Variants in SCOC observed in about 807,000 individuals in gnomAD.
SCOC encodes the protein short coiled-coil protein.
A neutral mutation model predicts 9.9 loss-of-function variants in SCOC; 7 were observed. The ratio of observed to expected loss-of-function variants is 0.71; its 90% CI spans 0.40 to 1.33. SCOC has a LOEUF of 1.33. SCOC is among the 40% of genes most tolerant of loss of function. SCOC has a pLI of 0.01. For synonymous variants in SCOC, 19 were observed against 28.2 expected, an observed-to-expected ratio of 0.67 and a Z score of 1.03; for missense variants, 66 against 89.7, an observed-to-expected ratio of 0.74 and a Z score of 1.07.
intron 1 of SCOC, among the ~76,000 whole-genome samples, chr4:140,277,315 G>C (rs1731006335): frequency 6.6e-6 from 1 of 151,248 alleles, no homozygotes; most frequent in African/African-American, 2.4e-5. Context: ...TGTATGAGTT[G>C]GGGGGGGCAG....
intron 2 of SCOC, among the ~76,000 whole-genome samples, chr4:140,348,521 TGTGA>T (rs1313224840): frequency 2.7e-5 from 4 of 150,586 alleles, no homozygotes; most frequent in African/African-American, 4.9e-5. Context: ...TATGTGTGTG[TGTGA>T]GTGTGTGTAT....
chr4:140,348,576 A>ACACACACACG (rs1450195608), intron 2 of SCOC, among the ~76,000 whole-genome samples: 1 of 7,604 alleles, frequency 1.3e-4, no homozygotes, highest in African/African-American at 2.4e-4. Flanking sequence ...GTATATATAT[A>ACACACACACG]CGCACACACA....
At chr4:140,339,588 T>C (rs945403991), upstream of SCOC, among the ~76,000 whole-genome samples, 3 of 151,982 alleles carry the variant, frequency 2.0e-5, no homozygotes, top group African/African-American at 4.8e-5. Context: ...TACAATGAAC[T>C]CAAACAAATT....
At chr4:140,317,369 T>C (rs906967227) in intron 1 of SCOC, among the ~76,000 whole-genome samples, 1 of 152,182 alleles carries the variant, frequency 6.6e-6, no homozygotes, top group Non-Finnish European at 1.5e-5. Flanking sequence ...CCTGACCTAA[T>C]TGCTTGTGTT....
intron 1 of SCOC, among the ~76,000 whole-genome samples, chr4:140,299,224 G>A (rs183165410): frequency 1.3e-5 from 2 of 152,150 alleles, no homozygotes; most frequent in Non-Finnish European, 2.9e-5. Flanking sequence ...TCAAGCAATT[G>A]ATTTCATTTT....
intron 2 of SCOC, among the ~76,000 whole-genome samples, chr4:140,349,319 G>A (rs962745483): frequency 3.9e-5 from 6 of 152,170 alleles, no homozygotes; most frequent in Admixed American, 2.6e-4. Context: ...GAAACTTTAA[G>A]AGACACTGAA....
intron 2 of SCOC, chr4:140,366,932 G>A (rs1041392181): frequency 1.3e-4 from 75 of 557,196 alleles, no homozygotes; most frequent in Non-Finnish European, 2.1e-4. Flanking sequence ...TTGACCAGGC[G>A]TGGTGGCTCA....
At chr4:140,325,022 A>G (rs1426313783) in intron 1 of SCOC, among the ~76,000 whole-genome samples, 1 of 152,130 alleles carries the variant, frequency 6.6e-6, no homozygotes, top group Non-Finnish European at 1.5e-5. Flanking sequence ...TCATAAATAG[A>G]TCTACAGAAA....
At chr4:140,304,335 A>G (rs1281607625) in intron 1 of SCOC, among the ~76,000 whole-genome samples, 3 of 152,072 alleles carry the variant, frequency 2.0e-5, no homozygotes, top group Non-Finnish European at 4.4e-5. Flanking sequence ...GGGGAGAGAT[A>G]TGGAGATATT....
At chr4:140,320,131 T>C (rs1578806489) in intron 1 of SCOC, among the ~76,000 whole-genome samples, 1 of 152,234 alleles carries the variant, frequency 6.6e-6, no homozygotes, top group East Asian at 1.9e-4. Context: ...ATAAAGACTT[T>C]GCTGATAAAA....
chr4:140,362,307 T>TCTTCTTCTTCCTC, intron 2 of SCOC, among the ~76,000 whole-genome samples: 1 of 67,662 alleles, frequency 1.5e-5, no homozygotes, highest in South Asian at 4.0e-4. Flanking sequence ...TTCTTTTTTT[T>TCTTCTTCTTCCTC]TTTTTTTTGT....
chr4:140,370,207 T>C (rs1727992812), upstream of SCOC, among the ~76,000 whole-genome samples: 1 of 152,200 alleles, frequency 6.6e-6, no homozygotes. Flanking sequence ...TAGTTTAATT[T>C]GTGGGTAGAG....
At chr4:140,307,784 T>C (rs889840544) in intron 1 of SCOC, among the ~76,000 whole-genome samples, 9 of 152,194 alleles carry the variant, frequency 5.9e-5, no homozygotes, top group Non-Finnish European at 8.8e-5. Context: ...TTCACAATCA[T>C]TAGGGATTGT....
At chr4:140,288,634 C>G (rs564657826) in intron 1 of SCOC, among the ~76,000 whole-genome samples, 1 of 151,878 alleles carries the variant, frequency 6.6e-6, no homozygotes, top group Non-Finnish European at 1.5e-5. Flanking sequence ...TACATAACAC[C>G]AAGTATATAC....
chr4:140,264,734 T>C (rs1730699548), intron 1 of SCOC, among the ~76,000 whole-genome samples: 2 of 152,212 alleles, frequency 1.3e-5, no homozygotes, highest in Non-Finnish European at 2.9e-5. Context: ...CCTAATATTA[T>C]TGGAACTTAG....
chr4:140,306,691 C>T (rs1731998770), intron 1 of SCOC, among the ~76,000 whole-genome samples: 1 of 152,132 alleles, frequency 6.6e-6, no homozygotes, highest in Non-Finnish European at 1.5e-5. Context: ...TTCTTTCTTT[C>T]CCCTGCCCTC....
chr4:140,306,919 G>C (rs181264551), intron 1 of SCOC, among the ~76,000 whole-genome samples: 21 of 152,304 alleles, frequency 1.4e-4, no homozygotes, highest in Admixed American at 1.2e-3. Flanking sequence ...TTGGGAGCAA[G>C]TTCTTCTTAG....
At chr4:140,307,626 C>A (rs766675276) in intron 1 of SCOC, among the ~76,000 whole-genome samples, 2 of 152,166 alleles carry the variant, frequency 1.3e-5, no homozygotes, top group Non-Finnish European at 2.9e-5. Context: ...GGATCTTGCA[C>A]ATCCCAGAGG....
intron 1 of SCOC, among the ~76,000 whole-genome samples, chr4:140,262,899 G>A (rs1730662552): frequency 6.6e-6 from 1 of 152,124 alleles, no homozygotes; most frequent in South Asian, 2.1e-4. Context: ...TCAGGAAACA[G>A]CCCCAGGTAG....
Sources: gnomAD v4.1 joint callset for allele counts (sites outside exome capture counted in the v4.1 genomes callset) on GRCh38, gnomAD v4.1.1 for gene constraint, MANE v1.5 for transcripts, NCBI Gene and HGNC (gene_info 2026-07-23, HGNC 2026-07-21) for gene names.